Variants in GRHL3 observed in about 807,000 individuals in gnomAD.
GRHL3 encodes grainyhead-like protein 3 homolog.
In GRHL3, 20 loss-of-function variants were observed where a neutral mutation model predicts 70.3. The ratio of observed to expected loss-of-function variants is 0.28; its 90% confidence interval spans 0.20 to 0.41. The LOEUF (loss-of-function observed/expected upper bound fraction) is 0.41, where lower values mean the gene tolerates loss of function less well. Among genes scored for constraint, GRHL3 ranks in the 10% least tolerant of loss-of-function variants. The pLI, the probability that GRHL3 is intolerant of heterozygous loss-of-function variation, is 1.00. For synonymous variants in GRHL3, 299 were observed against 299.9 expected (o/e 1.00, Z 0.03); for missense variants, 637 against 762.3 (o/e 0.84, Z 1.94).
intron 1 of GRHL3, among the ~76,000 whole-genome samples, chr1:24,325,668 G>A (rs1639362302): frequency 1.3e-5 from 2 of 152,184 alleles, no homozygotes; most frequent in Non-Finnish European, 2.9e-5. Flanking sequence ...AGGCTGACTG[G>A]GCATGGAGCA....
intron 15 of GRHL3, among the ~76,000 whole-genome samples, chr1:24,350,492 C>T (rs1353199148): frequency 6.6e-6 from 1 of 152,182 alleles, no homozygotes. Flanking sequence ...AGACACGAGG[C>T]TAAGCACACA....
Position 24,319,358 on chromosome 1 carries a change from GTC to G in GRHL3, c.-193_-192del. 1 of 644,100 alleles carries G rather than the reference GTC, an allele frequency of 1.6e-6. No individual in the cohort carries two copies. The highest frequency in any genetic ancestry group is 1.8e-5 in the African/African-American group (1 of 55,816). The allele number at this position is 644,100 out of a possible 1,614,324, so 39.9% of individuals were successfully genotyped here. On this transcript the variant is annotated 5_prime_UTR_variant, in exon 1 of 16. Transcript: ENST00000361548. ...CTGCACCTGTTGAGGTATACCTCCA[GTC>G]GCCGGCACCTGTACCTGTAGCCAAT... is the stretch of plus-strand genomic sequence containing the variant.
chr1:24,358,446 G>A (rs776936959), downstream of GRHL3: 1 of 1,048,530 alleles, frequency 9.5e-7, no homozygotes, highest in South Asian at 1.3e-5. Flanking sequence ...GTTGTCAGCT[G>A]CCACACTCAT....
chr1:24,356,872 G>A (rs1456010651), downstream of GRHL3: 1 of 152,176 alleles, frequency 6.6e-6, no homozygotes, highest in African/African-American at 2.4e-5. Context: ...TGAAAACCAT[G>A]ATCCCTCTAA....
At chr1:24,360,216 G>A (rs946824283), downstream of GRHL3, among the ~76,000 whole-genome samples, 52 of 152,308 alleles carry the variant, frequency 3.4e-4, no homozygotes, top group Middle Eastern at 3.4e-3. Context: ...AGGCCAAGAC[G>A]GGCAGACCAG....
intron 14 of GRHL3, among the ~76,000 whole-genome samples, chr1:24,348,789 G>A (rs1640392092): frequency 6.6e-6 from 1 of 152,176 alleles, no homozygotes; most frequent in Non-Finnish European, 1.5e-5. Context: ...AAAAGAAATA[G>A]TCGTCTAAGA....
chr1:24,340,623 C>T (rs1639998465), intron 8 of GRHL3, among the ~76,000 whole-genome samples: 1 of 152,204 alleles, frequency 6.6e-6, no homozygotes, highest in Non-Finnish European at 1.5e-5. Flanking sequence ...AGGCTTACCT[C>T]ACTCAGCAGG....
In GRHL3 at chr1:24,354,393, A is replaced by G. The variant is rs773868014; in HGVS notation, c.1714A>G (p.Asn572Asp). Residue 572 changes from asparagine to aspartate, a missense_variant, in exon 16 of 16, where the codon AAC becomes GAC. By Grantham distance (23) the Asn-to-Asp change is conservative. Coordinates refer to ENST00000361548, the MANE Select transcript of GRHL3 (RefSeq NM_198173.3). Reference sequence around the variant, plus strand: ...TTCCAGAATCTTAGTCAACATGGACAACAACATCATTCAGCATTACAGCAA... The same window carrying G: ...TTCCAGAATCTTAGTCAACATGGACGACAACATCATTCAGCATTACAGCAA... ...CKRGILVNMD[N>D]NIIQHYSNHV... 2.5e-6 allele frequency: 4 copies of G among 1,613,526 alleles called. No homozygotes were observed. The highest frequency in any genetic ancestry group is 2.2e-5 in the East Asian group (1 of 44,856).
At chr1:24,337,371 T>C (rs1185268174) in intron 5 of GRHL3, 6 of 592,534 alleles carry the variant, frequency 1.0e-5, no homozygotes, top group Non-Finnish European at 1.8e-5. Flanking sequence ...TGAGGTTCTT[T>C]TATCCTTAGT....
chr1:24,350,646 G>A (rs766086292), intron 15 of GRHL3, among the ~76,000 whole-genome samples: 1 of 152,198 alleles, frequency 6.6e-6, no homozygotes, highest in Non-Finnish European at 1.5e-5. Context: ...GCCCAACAAA[G>A]TTGTTACTGA....
chr1:24,346,816 G>A (rs868292433), intron 13 of GRHL3, among the ~76,000 whole-genome samples, 175 bp downstream of exon 13: 5 of 152,194 alleles, frequency 3.3e-5, no homozygotes, highest in African/African-American at 1.2e-4. Flanking sequence ...GCTGCTTGGA[G>A]AGACCACCAC....
chr1:24,345,753 C>T (rs1640255652), intron 12 of GRHL3, among the ~76,000 whole-genome samples: 1 of 152,204 alleles, frequency 6.6e-6, no homozygotes, highest in Non-Finnish European at 1.5e-5. Flanking sequence ...GTGCCCTGAG[C>T]AGTCCCTTCA....
chr1:24,334,798 G>T lies in GRHL3; in HGVS notation c.266+92G>T. On this transcript the variant is annotated intron_variant, in intron 3 of 15. Coordinates refer to ENST00000361548, the MANE Select transcript of GRHL3 (RefSeq NM_198173.3). This position sits in a 1 kb window ranked among gnomAD's most constrained non-coding sequence, Gnocchi z 4.3. ...AGGTTTGACTTATCCATTAGGCACA[G>T]GAGGCACAGTGCTGAGGGCCCACAA... is the stretch of plus-strand genomic sequence containing the variant. 2.3e-6 allele frequency: 2 copies of T among 860,874 alleles called. No individual in the cohort carries two copies. Among genetic ancestry groups the T allele is most frequent in the Non-Finnish European group, 3.7e-6 (2 of 542,234 alleles). 53.3% of individuals were successfully genotyped at this position (860,874 alleles called of 1,614,324 possible). A position where few individuals can be genotyped will look rare whatever the true frequency, so the allele number is the denominator to read the frequency against.
intron 5 of GRHL3, chr1:24,337,405 A>G: frequency 1.7e-6 from 1 of 600,540 alleles, no homozygotes; most frequent in Non-Finnish European, 2.9e-6. Flanking sequence ...GTCACCCCTC[A>G]AGGTTCTCTC....
At chr1:24,361,018 G>T in intron 15 of GRHL3, 1 of 1,611,744 alleles carries the variant, frequency 6.2e-7, no homozygotes, top group South Asian at 1.1e-5. Context: ...AGGCTGAGCA[G>T]AGAAGTTCAG....
downstream of GRHL3, chr1:24,358,220 A>G: frequency 1.8e-6 from 1 of 568,532 alleles, no homozygotes; most frequent in Non-Finnish European, 3.3e-6. Context: ...GAGTCCCTTC[A>G]GTCTGCGGCA....
At chr1:24,361,385 A>AT (rs1348128308) in intron 15 of GRHL3, among the ~76,000 whole-genome samples, 1 of 152,108 alleles carries the variant, frequency 6.6e-6, no homozygotes, top group Non-Finnish European at 1.5e-5. Context: ...CAGGCCGTGT[A>AT]TATCTCATGT....
At chr1:24,363,256 T>C (rs1641239116) in intron 15 of GRHL3, among the ~76,000 whole-genome samples, 1 of 152,192 alleles carries the variant, frequency 6.6e-6, no homozygotes, top group South Asian at 2.1e-4. Context: ...AGGTTTCTTG[T>C]CTTCCACTCC....
At chr1:24,324,933 TTCACAA>T (rs1639336880) in intron 1 of GRHL3, among the ~76,000 whole-genome samples, 1 of 152,112 alleles carries the variant, frequency 6.6e-6, no homozygotes, top group African/African-American at 2.4e-5. Context: ...CGAGGCACAT[TTCACAA>T]TCTGTACACC....
Sources: allele counts gnomAD v4.1 joint callset (sites outside exome capture counted in the v4.1 genomes callset), GRCh38; gene constraint gnomAD v4.1.1; non-coding constraint Gnocchi (gnomAD v3.1); transcripts MANE v1.5; gene names NCBI Gene and HGNC (gene_info 2026-07-23, HGNC 2026-07-21).